ACER1: variants seen among roughly 807,000 people sequenced by gnomAD.
The protein encoded by ACER1 is alkaline ceramidase 1, also known as CTB-180A7.3.
A neutral mutation model predicts 24.9 loss-of-function variants in ACER1; 28 were observed. The observed-to-expected ratio is 1.13, with a 90% CI of 0.83 to 1.54. The LOEUF (loss-of-function observed/expected upper bound fraction) is 1.54. ACER1 is among the 40% of genes most tolerant of loss of function. ACER1 has a pLI of 0.00. For missense variants in ACER1, 352 were observed against 349.3 expected, an observed-to-expected ratio of 1.01 and a Z score of -0.06; for synonymous variants, 132 against 131.4, an observed-to-expected ratio of 1.00 and a Z score of -0.03.
intron 1 of ACER1, among the ~76,000 whole-genome samples, chr19:6,318,331 C>A (rs538486114): frequency 1.3e-5 from 2 of 151,530 alleles, no homozygotes; most frequent in East Asian, 2.0e-4. Context: ...TAGCCAGGTG[C>A]GGTGGCGCAT....
At chr19:6,311,634 AAGAAGAAGAAGAAGGAGAAGGAGGAGG>A (rs1193007365) in intron 3 of ACER1, among the ~76,000 whole-genome samples, 1 of 137,842 alleles carries the variant, frequency 7.3e-6, no homozygotes, top group Non-Finnish European at 1.6e-5. Flanking sequence ...GGAGGAGGAG[AAGAAGAAGAAGAAGGAGAAGGAGGAGG>A]AGAAGGAGGA....
the ACER1 span, among the ~76,000 whole-genome samples, chr19:6,353,851 TAATAAAATAAAATAAAATA>T: frequency 1.3e-5 from 2 of 150,194 alleles, no homozygotes; most frequent in South Asian, 2.1e-4. Context: ...TACAATAAAA[TAATAAAATAAAATAAAATA>T]AATAAAATAA....
chr19:6,323,592 A>T (rs2091643953), intron 1 of ACER1, among the ~76,000 whole-genome samples: 2 of 152,182 alleles, frequency 1.3e-5, no homozygotes, highest in African/African-American at 4.8e-5. Flanking sequence ...TTTCTTTTGT[A>T]AATTGCCTAG....
At chr19:6,358,908 G>A in the ACER1 span, among the ~76,000 whole-genome samples, 147 of 139,226 alleles carry the variant, frequency 1.1e-3, no homozygotes, top group African/African-American at 3.9e-3. Context: ...ACTCCAGCCT[G>A]GGCAACAAGA....
the ACER1 span, among the ~76,000 whole-genome samples, chr19:6,359,320 T>A: frequency 1.1e-5 from 1 of 87,022 alleles, no homozygotes; most frequent in Non-Finnish European, 2.0e-5. Context: ...TCTGCTGTGA[T>A]TTTTTTTTTT....
At chr19:6,311,227 G>T (rs1038022148) in intron 3 of ACER1, among the ~76,000 whole-genome samples, 2 of 151,934 alleles carry the variant, frequency 1.3e-5, no homozygotes, top group African/African-American at 4.8e-5. Context: ...GGGTGGGCTG[G>T]GGGGGTCCTG....
At chr19:6,344,983 A>G in the ACER1 span, among the ~76,000 whole-genome samples, 1 of 151,858 alleles carries the variant, frequency 6.6e-6, no homozygotes, top group Admixed American at 6.6e-5. Flanking sequence ...CTCCTGCCTC[A>G]GCCTTCCAAG....
chr19:6,331,461 T>G (rs1354253933), intron 1 of ACER1, among the ~76,000 whole-genome samples: 2 of 133,972 alleles, frequency 1.5e-5, no homozygotes, highest in Non-Finnish European at 3.1e-5. Context: ...CAAGCACTCT[T>G]CTGCTCACTG....
chr19:6,331,946 G>A (rs1013859649), intron 1 of ACER1, among the ~76,000 whole-genome samples: 5 of 151,320 alleles, frequency 3.3e-5, no homozygotes, highest in Admixed American at 1.3e-4. Context: ...GCTAAATGCC[G>A]TGATCATTTG....
upstream of ACER1, among the ~76,000 whole-genome samples, chr19:6,337,527 C>T (rs2091718772): frequency 2.0e-5 from 3 of 150,232 alleles, no homozygotes; most frequent in South Asian, 6.4e-4. Flanking sequence ...GATCTCGGCT[C>T]ACTGCAACCT....
At chr19:6,326,151 A>C (rs1167789381) in intron 1 of ACER1, among the ~76,000 whole-genome samples, 2 of 124,486 alleles carry the variant, frequency 1.6e-5, no homozygotes, top group African/African-American at 6.5e-5. Context: ...TTAAAGACGG[A>C]GTCTCGCTCT....
chr19:6,327,123 C>G (rs1216130575), intron 1 of ACER1, among the ~76,000 whole-genome samples: 1 of 152,148 alleles, frequency 6.6e-6, no homozygotes, highest in African/African-American at 2.4e-5. Flanking sequence ...GCTCTGCATG[C>G]TCCCAAACAG....
intron 1 of ACER1, 133 bp downstream of exon 1, chr19:6,333,326 G>A (rs537982943): frequency 6.1e-6 from 4 of 651,366 alleles, no homozygotes; most frequent in Non-Finnish European, 1.0e-5. Context: ...GGCACTCTTT[G>A]GCTAACAGAT....
At chr19:6,329,470 T>C (rs1447754427) in intron 1 of ACER1, among the ~76,000 whole-genome samples, 3 of 152,160 alleles carry the variant, frequency 2.0e-5, no homozygotes, top group Non-Finnish European at 4.4e-5. Flanking sequence ...TTTGTTTCTG[T>C]ATGATACACA....
chr19:6,350,947 C>G, the ACER1 span, among the ~76,000 whole-genome samples: 1 of 152,170 alleles, frequency 6.6e-6, no homozygotes, highest in Non-Finnish European at 1.5e-5. Context: ...ACCCTACCAA[C>G]TCTGGATGCC....
At chr19:6,315,041 G>A (rs1226441197) in intron 1 of ACER1, among the ~76,000 whole-genome samples, 2 of 110,702 alleles carry the variant, frequency 1.8e-5, no homozygotes, top group Admixed American at 8.6e-5. Context: ...GCAGGTGCCT[G>A]CCACCACGCC....
At chr19:6,351,030 T>A in the ACER1 span, among the ~76,000 whole-genome samples, 5 of 152,104 alleles carry the variant, frequency 3.3e-5, no homozygotes, top group African/African-American at 1.2e-4. Context: ...TCCCTCACAG[T>A]CATACCTAAC....
chr19:6,328,496 CAAAAAAAAAAAA>C (rs1013111916), intron 1 of ACER1, among the ~76,000 whole-genome samples: 1 of 41,232 alleles, frequency 2.4e-5, no homozygotes, highest in Non-Finnish European at 5.7e-5. Context: ...GACTCCATCT[CAAAAAAAAAAAA>C]AAAAAAAAAA....
chr19:6,336,819 C>CA (rs57500077), upstream of ACER1, among the ~76,000 whole-genome samples: 14,133 of 67,440 alleles, frequency 0.21, 1,351 homozygotes, highest in East Asian at 0.46. Context: ...GACCCCGACT[C>CA]AAAAAAAAAA....
Sources: gnomAD v4.1 joint callset for allele counts (sites outside exome capture counted in the v4.1 genomes callset) on GRCh38, gnomAD v4.1.1 for gene constraint, MANE v1.5 for transcripts, NCBI Gene and HGNC (gene_info 2026-07-23, HGNC 2026-07-21) for gene names.